TRPC4: variants seen among roughly 807,000 people sequenced by gnomAD.
TRPC4 encodes the protein transient receptor potential cation channel subfamily C member 4.
Under a neutral mutation model 99.4 loss-of-function variants are expected in TRPC4, and 49 were observed. That is an observed-to-expected ratio of 0.49 (90% CI 0.39 to 0.63). The LOEUF (loss-of-function observed/expected upper bound fraction) is 0.63. Ranked by LOEUF, TRPC4 falls within the 20% of genes least tolerant of loss-of-function variation. TRPC4 has a pLI of 0.00. For synonymous variants in TRPC4, 454 were observed against 425.9 expected, an observed-to-expected ratio of 1.07 and a Z score of -0.81; for missense variants, 898 against 1,152.9, an observed-to-expected ratio of 0.78 and a Z score of 3.20.
In TRPC4 at chr13:37,869,575, C is replaced by A. The variant is rs1924379; in HGVS notation, c.-28+20G>T. 98,825 of 152,048 alleles carry A rather than the reference C, an allele frequency of 0.65. 32,337 individuals carry two copies. Among genetic ancestry groups the A allele is most frequent in the Admixed American group, 0.72 (11,011 of 15,294 alleles). The allele number at this position is 152,048 out of a possible 1,614,324, so 9.4% of individuals were successfully genotyped here. A position where few individuals can be genotyped will look rare whatever the true frequency, so the allele number is the denominator to read the frequency against. ...GTGTAGCTCCGGTCGAACGGAGCCCCGAGGCGACATCCTCTTTACCTGCAA... is the reference window on the plus strand; with the variant it reads ...GTGTAGCTCCGGTCGAACGGAGCCCAGAGGCGACATCCTCTTTACCTGCAA... On this transcript the variant is annotated intron_variant, in intron 1 of 10. Transcript: ENST00000379705.
chr13:37,634,316 T>C lies in TRPC4; in HGVS notation c.*2587A>G, dbSNP rs1376210339. ...CCCTACTCCTCATCTTCATTAATGC[T>C]ACATAATGTCACTACGTATTTAGAA... On this transcript the variant is annotated 3_prime_UTR_variant, in exon 11 of 11. Transcript: ENST00000379705. 1.3e-5 allele frequency among the ~76,000 whole-genome samples: 2 copies of C among 152,092 alleles called. No individual in the cohort carries two copies. Among genetic ancestry groups the C allele is most frequent in the Admixed American group, 6.6e-5 (1 of 15,230 alleles).
At chr13:37,656,194 G>A (rs1952229981) in intron 6 of TRPC4, among the ~76,000 whole-genome samples, 3 of 152,024 alleles carry the variant, frequency 2.0e-5, no homozygotes, top group Non-Finnish European at 4.4e-5. Context: ...GAACTCAAAT[G>A]GAGAATTGTT....
chr13:37,706,459 A>C (rs548657635), intron 3 of TRPC4, among the ~76,000 whole-genome samples: 1 of 152,186 alleles, frequency 6.6e-6, no homozygotes, highest in African/African-American at 2.4e-5. Flanking sequence ...CCAGGTTAGA[A>C]GTCAGTGCTT....
At chr13:37,796,401 G>A (rs1209637297) in intron 1 of TRPC4, among the ~76,000 whole-genome samples, 4 of 152,018 alleles carry the variant, frequency 2.6e-5, no homozygotes, top group African/African-American at 7.2e-5. Context: ...AAATATGTTC[G>A]CTACCTGATG....
chr13:37,781,627 A>G (rs1035733177), intron 2 of TRPC4, among the ~76,000 whole-genome samples: 13 of 152,128 alleles, frequency 8.5e-5, no homozygotes, highest in Non-Finnish European at 1.9e-4. Flanking sequence ...AAATTTTTGT[A>G]GCAGTAAACT....
At chr13:37,704,237 A>G (rs1954195738) in intron 3 of TRPC4, among the ~76,000 whole-genome samples, 1 of 152,240 alleles carries the variant, frequency 6.6e-6, no homozygotes, top group African/African-American at 2.4e-5. Context: ...GAATTATAAA[A>G]GAGCAGAAGG....
chr13:37,743,367 T>C (rs1955647017), intron 3 of TRPC4, among the ~76,000 whole-genome samples: 1 of 152,188 alleles, frequency 6.6e-6, no homozygotes, highest in Non-Finnish European at 1.5e-5. Flanking sequence ...ATGCCTTCCA[T>C]TGCTTTGCTT....
In TRPC4 at chr13:37,746,188, G is replaced by T; in HGVS notation, c.646C>A (p.Pro216Thr). Residue 216 changes from proline to threonine, a missense_variant, in exon 3 of 11, where the codon CCT becomes ACT. Pro to Thr is a conservative substitution (Grantham distance 38). Transcript: ENST00000379705. ...CTTAACTGAAAGGCTGTGAGAAAAG[G>T]ATCTTCGCTTGACAGTGCAATGAGA... is the stretch of plus-strand genomic sequence containing the variant. ...PSLIALSSED[P>T]FLTAFQLSWE... 6.2e-7 allele frequency: 1 copy of T among 1,613,734 alleles called. No individual in the cohort carries two copies. Among genetic ancestry groups the T allele is most frequent in the East Asian group, 2.2e-5 (1 of 44,804 alleles).
intron 8 of TRPC4, among the ~76,000 whole-genome samples, chr13:37,645,884 C>A (rs1247155926): frequency 6.6e-6 from 1 of 152,176 alleles, no homozygotes; most frequent in Admixed American, 6.5e-5. Context: ...TTCTATATAT[C>A]CCCGCTGGGG....
At chr13:37,785,369 G>A (rs1956942437) in intron 1 of TRPC4, among the ~76,000 whole-genome samples, 1 of 151,872 alleles carries the variant, frequency 6.6e-6, no homozygotes, top group Admixed American at 6.6e-5. Context: ...AATTTTATCA[G>A]GACTGACATC....
chr13:37,699,364 AAT>A (rs1457006794), intron 3 of TRPC4, among the ~76,000 whole-genome samples: 1 of 152,200 alleles, frequency 6.6e-6, no homozygotes, highest in East Asian at 1.9e-4. Context: ...ACAAGTATGT[AAT>A]ATGTGTTCAC....
At position 37,763,220 on chromosome 13, in the gene TRPC4, A is replaced by C. The variant is rs1415392898; in HGVS notation, c.379-16765T>G. Among the ~76,000 whole-genome samples, 3 of 151,542 alleles carry C rather than the reference A, an allele frequency of 2.0e-5. No homozygotes were observed. The Admixed American group carries it at 2.0e-4, about 10-fold the overall frequency. On this transcript the variant is annotated intron_variant, in intron 2 of 10. Coordinates refer to ENST00000379705, the MANE Select transcript of TRPC4 (RefSeq NM_016179.4). ...GACATTTCGAAATTTAGAGATGGAG[A>C]AGATGAGGAAGGACCAGTAAAAGAT...
chr13:37,837,511 G>T (rs2139621199), intron 1 of TRPC4, among the ~76,000 whole-genome samples: 1 of 152,348 alleles, frequency 6.6e-6, no homozygotes, highest in Admixed American at 6.5e-5. Context: ...GGAGCTTTAA[G>T]ATTTGACTGC....
intron 4 of TRPC4, among the ~76,000 whole-genome samples, chr13:37,679,521 CATT>C (rs1466136755): frequency 6.6e-6 from 1 of 152,036 alleles, no homozygotes; most frequent in Non-Finnish European, 1.5e-5. Flanking sequence ...GATGGTCTAT[CATT>C]AATTAGTGAA....
At chr13:37,817,540 G>A (rs1437932298) in intron 1 of TRPC4, among the ~76,000 whole-genome samples, 3 of 151,516 alleles carry the variant, frequency 2.0e-5, no homozygotes, top group Non-Finnish European at 4.4e-5. Context: ...AATTTACATG[G>A]GACCAAAAAA....
intron 3 of TRPC4, among the ~76,000 whole-genome samples, chr13:37,721,587 T>C (rs1954870985): frequency 6.6e-6 from 1 of 152,170 alleles, no homozygotes; most frequent in Non-Finnish European, 1.5e-5. Flanking sequence ...GGCTGAACAT[T>C]GCAAACCTTG....
chr13:37,703,843 A>G (rs1954181738), intron 3 of TRPC4, among the ~76,000 whole-genome samples: 1 of 152,100 alleles, frequency 6.6e-6, no homozygotes, highest in African/African-American at 2.4e-5. Context: ...GCATTTATCC[A>G]AAATAAAATA....
At chr13:37,824,359 A>T (rs1418182968) in intron 1 of TRPC4, among the ~76,000 whole-genome samples, 400 of 149,272 alleles carry the variant, frequency 2.7e-3, no homozygotes, top group Non-Finnish European at 5.0e-3. Flanking sequence ...CCAGTTTTCA[A>T]AGGGAATGCT....
At chr13:37,816,305 A>T (rs1244215287) in intron 1 of TRPC4, among the ~76,000 whole-genome samples, 7 of 151,878 alleles carry the variant, frequency 4.6e-5, no homozygotes, top group Non-Finnish European at 1.0e-4. Context: ...TTAGATACAC[A>T]CACTGACAAT....
Sources: gnomAD v4.1 joint callset for allele counts (sites outside exome capture counted in the v4.1 genomes callset) on GRCh38, gnomAD v4.1.1 for gene constraint, MANE v1.5 for transcripts, NCBI Gene and HGNC (gene_info 2026-07-23, HGNC 2026-07-21) for gene names.